VPS13D: variants seen among roughly 807,000 people sequenced by gnomAD.
VPS13D encodes intermembrane lipid transfer protein VPS13D.
In VPS13D, 187 loss-of-function variants were observed where a neutral mutation model predicts 461.9. The ratio of observed to expected loss-of-function variants is 0.40; its 90% confidence interval spans 0.36 to 0.46. VPS13D has a LOEUF of 0.46. Ranked by LOEUF, VPS13D falls within the 20% of genes least tolerant of loss-of-function variation. The probability of loss-of-function intolerance (pLI) is 0.60; values close to 1 mark genes in which losing one functional copy is unlikely to be tolerated. For missense variants in VPS13D, 4,711 were observed against 5,364.9 expected, an observed-to-expected ratio of 0.88 and a Z score of 3.81; for synonymous variants, 1,951 against 1,986.3, an observed-to-expected ratio of 0.98 and a Z score of 0.47.
At chr1:12,435,494 G>A (rs1028516443) in intron 65 of VPS13D, among the ~76,000 whole-genome samples, 3 of 152,072 alleles carry the variant, frequency 2.0e-5, no homozygotes, top group African/African-American at 7.2e-5. Flanking sequence ...CATATTTATT[G>A]ACTGCTTCAC....
At chr1:12,340,082 A>C (rs1643535540) in intron 40 of VPS13D, among the ~76,000 whole-genome samples, 1 of 152,174 alleles carries the variant, frequency 6.6e-6, no homozygotes. Flanking sequence ...GTGCCACAGT[A>C]AATACCGTTT....
chr1:12,280,281 G>A (rs1001238261), intron 20 of VPS13D, among the ~76,000 whole-genome samples: 6 of 152,072 alleles, frequency 3.9e-5, no homozygotes, highest in African/African-American at 1.4e-4. Flanking sequence ...TCTGTGTCTG[G>A]CAGCTGTTCT....
At chr1:12,249,756 G>A (rs754496906) in intron 6 of VPS13D, among the ~76,000 whole-genome samples, 3 of 152,020 alleles carry the variant, frequency 2.0e-5, no homozygotes, top group Non-Finnish European at 4.4e-5. Flanking sequence ...ACTACTGCTT[G>A]TCTCAAAACA....
At chr1:12,231,996 A>G (rs1363939521) in intron 1 of VPS13D, among the ~76,000 whole-genome samples, 2 of 152,232 alleles carry the variant, frequency 1.3e-5, no homozygotes, top group Non-Finnish European at 2.9e-5. Flanking sequence ...CTCTGTCTCC[A>G]GAAAAAAAAG....
intron 15 of VPS13D, among the ~76,000 whole-genome samples, chr1:12,268,249 C>CTTTTCTTTT (rs1641332340): frequency 9.9e-6 from 1 of 100,738 alleles, no homozygotes; most frequent in African/African-American, 3.7e-5. Context: ...CATGCCTGAG[C>CTTTTCTTTT]TTTTTTTTTT....
intron 17 of VPS13D, among the ~76,000 whole-genome samples, chr1:12,272,245 CA>C (rs1641465066): frequency 6.6e-6 from 1 of 152,138 alleles, no homozygotes; most frequent in Non-Finnish European, 1.5e-5. Flanking sequence ...TGCACTGCTA[CA>C]ATACAGCAGC....
intron 41 of VPS13D, 76 bp downstream of exon 41, chr1:12,341,961 T>G: frequency 7.2e-7 from 1 of 1,393,486 alleles, no homozygotes; most frequent in Non-Finnish European, 1.0e-6. Flanking sequence ...TAGAGCAAGG[T>G]GGGCCCCCTC....
At chr1:12,329,642 G>A (rs1171326163) in intron 36 of VPS13D, among the ~76,000 whole-genome samples, 187 bp from the exon 37 acceptor site, 2 of 152,226 alleles carry the variant, frequency 1.3e-5, no homozygotes, top group African/African-American at 4.8e-5. Context: ...CAGTCATGGA[G>A]ATAAATAATA....
chr1:12,457,512 C>G (rs1005864975), intron 66 of VPS13D, among the ~76,000 whole-genome samples: 1 of 152,210 alleles, frequency 6.6e-6, no homozygotes, highest in African/African-American at 2.4e-5. Flanking sequence ...TCACATGACA[C>G]CTGGCACATA....
At chr1:12,296,896 G>A (rs1642295304) in intron 24 of VPS13D, among the ~76,000 whole-genome samples, 1 of 152,142 alleles carries the variant, frequency 6.6e-6, no homozygotes, top group Non-Finnish European at 1.5e-5. Flanking sequence ...CTGAGTAATT[G>A]GGTTTAACTT....
chr1:12,508,823 A>G, intron 69 of VPS13D, 70 bp from the exon 70 acceptor site: 1 of 1,566,444 alleles, frequency 6.4e-7, no homozygotes, highest in Non-Finnish European at 8.7e-7. Context: ...GGGAGCCGCC[A>G]CCTGGGTGGA....
chr1:12,424,736 C>G (rs1644903297), intron 65 of VPS13D, among the ~76,000 whole-genome samples: 1 of 152,152 alleles, frequency 6.6e-6, no homozygotes, highest in African/African-American at 2.4e-5. Flanking sequence ...AGAACTTCTT[C>G]ATTTCCTAAT....
intron 65 of VPS13D, among the ~76,000 whole-genome samples, chr1:12,417,838 A>G (rs1265314697): frequency 6.6e-6 from 1 of 152,248 alleles, no homozygotes. Context: ...GTTCTGTAGG[A>G]TTATTGAACC....
At chr1:12,499,798 T>G (rs1389872280) in intron 68 of VPS13D, 1 of 985,242 alleles carries the variant, frequency 1.0e-6, no homozygotes, top group East Asian at 1.1e-4. Context: ...TCCTCTGAAG[T>G]GTCCTCAGTT....
intron 67 of VPS13D, among the ~76,000 whole-genome samples, chr1:12,467,325 C>T (rs1477826928): frequency 6.6e-6 from 1 of 152,186 alleles, no homozygotes; most frequent in Non-Finnish European, 1.5e-5. Flanking sequence ...GCGCACGCCA[C>T]CTCGCCCAGC....
chr1:12,367,638 A>C (rs1273551877), intron 52 of VPS13D: 1 of 151,808 alleles, frequency 6.6e-6, no homozygotes, highest in Non-Finnish European at 1.5e-5. Context: ...GCAGTGGCAC[A>C]ATCTCGGCTC....
chr1:12,231,567 G>A (rs904512393), intron 1 of VPS13D, among the ~76,000 whole-genome samples: 1 of 152,166 alleles, frequency 6.6e-6, no homozygotes, highest in East Asian at 1.9e-4. Context: ...ATTTAGGGCC[G>A]AAATTAGTGG....
chr1:12,320,462 A>G (rs919343583), intron 32 of VPS13D, among the ~76,000 whole-genome samples: 1 of 152,142 alleles, frequency 6.6e-6, no homozygotes, highest in Admixed American at 6.6e-5. Flanking sequence ...GGTATTGCTC[A>G]AAGTTTGAAG....
At chr1:12,297,515 G>A (rs1642309413) in intron 24 of VPS13D, among the ~76,000 whole-genome samples, 1 of 152,184 alleles carries the variant, frequency 6.6e-6, no homozygotes, top group Admixed American at 6.5e-5. Context: ...GACCATCAGG[G>A]AGTTATTTTT....
Sources: gnomAD v4.1 joint callset for allele counts (sites outside exome capture counted in the v4.1 genomes callset) on GRCh38, gnomAD v4.1.1 for gene constraint, MANE v1.5 for transcripts, NCBI Gene and HGNC (gene_info 2026-07-23, HGNC 2026-07-21) for gene names.